AAK1: variants seen among roughly 807,000 people sequenced by gnomAD.
The protein encoded by AAK1 is AP2-associated protein kinase 1.
A neutral mutation model predicts 116.0 loss-of-function variants in AAK1; 37 were observed. The ratio of observed to expected loss-of-function variants is 0.32; its 90% CI spans 0.25 to 0.42. The LOEUF (loss-of-function observed/expected upper bound fraction) is 0.42, where lower values mean the gene tolerates loss of function less well. Ranked by LOEUF, AAK1 falls within the 10% of genes least tolerant of loss-of-function variation. The probability of loss-of-function intolerance (pLI) is 1.00; values close to 1 mark genes in which losing one functional copy is unlikely to be tolerated. For missense variants in AAK1, 919 were observed against 1,170.6 expected (o/e 0.79, Z 3.14); for synonymous variants, 458 against 439.9 (o/e 1.04, Z -0.51).
chr2:69,546,301 A>G (rs913010571), intron 3 of AAK1, among the ~76,000 whole-genome samples: 3 of 152,202 alleles, frequency 2.0e-5, no homozygotes, highest in East Asian at 1.9e-4. Context: ...TGGATAATAC[A>G]TAAGGGAGAT....
intron 2 of AAK1, among the ~76,000 whole-genome samples, chr2:69,630,009 T>A (rs1675090984): frequency 6.6e-6 from 1 of 152,030 alleles, no homozygotes; most frequent in Non-Finnish European, 1.5e-5. Context: ...ATATCCCAGC[T>A]GCGGGGAACA....
chr2:69,564,124 G>A (rs777777355), intron 2 of AAK1, among the ~76,000 whole-genome samples: 1 of 151,864 alleles, frequency 6.6e-6, no homozygotes, highest in Non-Finnish European at 1.5e-5. Context: ...TCAGGGGGTC[G>A]GAGGTTTCAG....
intron 2 of AAK1, chr2:69,598,393 C>A: frequency 3.2e-6 from 1 of 316,948 alleles, no homozygotes; most frequent in South Asian, 7.5e-5. Flanking sequence ...AGGTTGGTGC[C>A]AAGGATCTAT....
At chr2:69,478,268 C>T (rs1674924472) in intron 20 of AAK1, among the ~76,000 whole-genome samples, 1 of 152,164 alleles carries the variant, frequency 6.6e-6, no homozygotes, top group African/African-American at 2.4e-5. Flanking sequence ...ATCATATGAT[C>T]ATTATAGGCA....
At chr2:69,605,168 C>T (rs1249462544) in intron 2 of AAK1, among the ~76,000 whole-genome samples, 1 of 152,166 alleles carries the variant, frequency 6.6e-6, no homozygotes, top group Non-Finnish European at 1.5e-5. Flanking sequence ...AGTTTGTCCC[C>T]TTTTTCCTTG....
Position 69,470,490 on chromosome 2 carries a change from T to A in AAK1, c.*5379A>T. 1.0e-6 allele frequency: 1 copy of A among 985,418 alleles called. No homozygotes were observed. The highest frequency in any genetic ancestry group is 1.2e-6 in the Non-Finnish European group (1 of 829,924). 61.0% of individuals were successfully genotyped at this position (985,418 alleles called of 1,614,324 possible). On this transcript the variant is annotated 3_prime_UTR_variant, in exon 22 of 22. Transcript: ENST00000409085. Reference sequence around the variant, plus strand: ...ACCCACGACTGGGAAATGAGGGACCTCATGGAAGCCAAAAATGGCCAGCTG... The same window carrying A: ...ACCCACGACTGGGAAATGAGGGACCACATGGAAGCCAAAAATGGCCAGCTG...
At chr2:69,605,272 T>G (rs1343059237) in intron 2 of AAK1, among the ~76,000 whole-genome samples, 1 of 152,162 alleles carries the variant, frequency 6.6e-6, no homozygotes, top group African/African-American at 2.4e-5. Flanking sequence ...AACAACAAAT[T>G]TCTCAAGGGT....
intron 3 of AAK1, among the ~76,000 whole-genome samples, chr2:69,551,695 G>A (rs1366026914): frequency 6.6e-6 from 1 of 152,180 alleles, no homozygotes; most frequent in Non-Finnish European, 1.5e-5. Context: ...CTTTAGGTCT[G>A]AAGATAATTA....
In AAK1 at chr2:69,474,651, A is replaced by C; in HGVS notation, c.*1218T>G. Reference sequence around the variant, plus strand: ...AGCTGGGCACACCCAGATTGTGTCCAGCTTGTCAGCACACTTATTTCTGAT... The same window carrying C: ...AGCTGGGCACACCCAGATTGTGTCCCGCTTGTCAGCACACTTATTTCTGAT... On this transcript the variant is annotated 3_prime_UTR_variant, in exon 22 of 22. Coordinates refer to ENST00000409085, the MANE Select transcript of AAK1 (RefSeq NM_014911.5). 2 of 985,798 alleles carry C rather than the reference A, an allele frequency of 2.0e-6. No individual in the cohort carries two copies. The highest frequency in any genetic ancestry group is 4.7e-5 in the South Asian group (1 of 21,284). The allele number at this position is 985,798 out of a possible 1,614,324, so 61.1% of individuals were successfully genotyped here. A position where few individuals can be genotyped will look rare whatever the true frequency, so the allele number is the denominator to read the frequency against.
At chr2:69,639,604 GCAC>G (rs1481858523) in intron 2 of AAK1, among the ~76,000 whole-genome samples, 1 of 152,110 alleles carries the variant, frequency 6.6e-6, no homozygotes, top group Non-Finnish European at 1.5e-5. Flanking sequence ...GTCTTACCCA[GCAC>G]CTGCTCCTTG....
At chr2:69,613,661 G>A (rs1674191422) in intron 2 of AAK1, among the ~76,000 whole-genome samples, 1 of 152,210 alleles carries the variant, frequency 6.6e-6, no homozygotes, top group Non-Finnish European at 1.5e-5. Flanking sequence ...GGGGTTTAAA[G>A]AGCTTCTAGA....
At chr2:69,491,389 G>C (rs1675516764) in intron 17 of AAK1, among the ~76,000 whole-genome samples, 1 of 152,152 alleles carries the variant, frequency 6.6e-6, no homozygotes, top group Non-Finnish European at 1.5e-5. Context: ...TGGCAGCTTT[G>C]TAAGCATACA....
At chr2:69,575,451 C>G (rs1672269799) in intron 2 of AAK1, among the ~76,000 whole-genome samples, 1 of 151,434 alleles carries the variant, frequency 6.6e-6, no homozygotes, top group Non-Finnish European at 1.5e-5. Flanking sequence ...CAAATAAAAT[C>G]CAAGATAAAC....
chr2:69,485,183 T>C (rs1163735830), intron 17 of AAK1, among the ~76,000 whole-genome samples: 1 of 152,170 alleles, frequency 6.6e-6, no homozygotes, highest in Non-Finnish European at 1.5e-5. Flanking sequence ...CTTGCTTCTT[T>C]TAAGTTAGCA....
In AAK1 at chr2:69,465,855, T is replaced by G. The variant is rs1464542080; in HGVS notation, c.*10014A>C. The G allele has an allele frequency of 7.7e-7, 1 of 1,290,850 alleles. No homozygotes were observed. Among genetic ancestry groups the G allele is most frequent in the East Asian group, 5.6e-5 (1 of 18,002 alleles). The allele number at this position is 1,290,850 out of a possible 1,614,324, so 80.0% of individuals were successfully genotyped here. ...GGAATACTGAGCTTGGACAGAGGTGTACACAGCTCTCTCACGGCCCGCGGG... is the reference window on the plus strand; with the variant it reads ...GGAATACTGAGCTTGGACAGAGGTGGACACAGCTCTCTCACGGCCCGCGGG... On this transcript the variant is annotated 3_prime_UTR_variant, in exon 22 of 22. Coordinates refer to ENST00000409085, the MANE Select transcript of AAK1 (RefSeq NM_014911.5).
rs1321065187 is a variant in AAK1, at chr2:69,458,496, G to A, written c.*17373C>T. On this transcript the variant is annotated 3_prime_UTR_variant, in exon 22 of 22. Coordinates refer to ENST00000409085, the MANE Select transcript of AAK1 (RefSeq NM_014911.5). Reference sequence around the variant, plus strand: ...AGAGTTTCATCCTTGTGGATAAGAAGATGTGTACTTGGGAACAAGGCTAAA... The same window carrying A: ...AGAGTTTCATCCTTGTGGATAAGAAAATGTGTACTTGGGAACAAGGCTAAA... 4 of 152,664 alleles carry A rather than the reference G, an allele frequency of 2.6e-5. No homozygotes were observed. Among genetic ancestry groups the A allele is most frequent in the African/African-American group, 7.2e-5 (3 of 41,460 alleles). The allele number at this position is 152,664 out of a possible 1,614,324, so 9.5% of individuals were successfully genotyped here.
At chr2:69,603,375 GGAGAGA>G (rs145060763) in intron 2 of AAK1, among the ~76,000 whole-genome samples, 1 of 151,600 alleles carries the variant, frequency 6.6e-6, no homozygotes, top group African/African-American at 2.4e-5. Context: ...AAGAAACAGA[GGAGAGA>G]GAGAGAGAGA....
rs1674628289 is a variant in AAK1, at chr2:69,470,182, A to G, written c.*5687T>C. The G allele has an allele frequency of 2.0e-6, 2 of 985,318 alleles. No individual in the cohort carries two copies. Among genetic ancestry groups the G allele is most frequent in the Non-Finnish European group, 2.4e-6 (2 of 829,930 alleles). 61.0% of individuals were successfully genotyped at this position (985,318 alleles called of 1,614,324 possible). A position where few individuals can be genotyped will look rare whatever the true frequency, so the allele number is the denominator to read the frequency against. On this transcript the variant is annotated 3_prime_UTR_variant, in exon 22 of 22. Transcript: ENST00000409085. ...TTACTTTTCCTCATACCAAAAACTG[A>G]AAGAACGGTTACAGGGAGTATCAAA...
chr2:69,592,955 A>T (rs1293092962), intron 2 of AAK1, among the ~76,000 whole-genome samples: 1 of 152,240 alleles, frequency 6.6e-6, no homozygotes, highest in Non-Finnish European at 1.5e-5. Context: ...ATAAGCCTGA[A>T]TAACTTCATG....
Sources: allele counts gnomAD v4.1 joint callset (sites outside exome capture counted in the v4.1 genomes callset), GRCh38; gene constraint gnomAD v4.1.1; transcripts MANE v1.5; gene names NCBI Gene and HGNC (gene_info 2026-07-23, HGNC 2026-07-21).